Variants in PES1 observed in about 807,000 individuals in gnomAD.
PES1 encodes pescadillo homolog.
PES1 carries 31 observed loss-of-function variants against 77.1 expected under a neutral mutation model. The observed-to-expected ratio is 0.40, with a 90% confidence interval of 0.30 to 0.54. The LOEUF (loss-of-function observed/expected upper bound fraction) is 0.54, where lower values mean the gene tolerates loss of function less well. Ranked by LOEUF, PES1 falls within the 20% of genes least tolerant of loss-of-function variation. PES1 has a pLI of 0.45. For missense variants in PES1, 658 were observed against 771.7 expected (o/e 0.85, Z 1.75); for synonymous variants, 282 against 303.0 (o/e 0.93, Z 0.72).
upstream of PES1, among the ~76,000 whole-genome samples, chr22:30,594,801 C>A (rs922246971): frequency 6.6e-6 from 1 of 152,080 alleles, no homozygotes; most frequent in Non-Finnish European, 1.5e-5. Flanking sequence ...AGACCCTCAT[C>A]TCTACAAAAG....
chr22:30,591,032 C>T (rs764451809), intron 1 of PES1, among the ~76,000 whole-genome samples: 4 of 152,136 alleles, frequency 2.6e-5, no homozygotes, highest in African/African-American at 4.8e-5. Context: ...ATTCCCATTC[C>T]CTTCCCAGTC....
At chr22:30,606,974 G>A in exon 1 of PES1, 1 of 841,450 alleles carries the variant, frequency 1.2e-6, no homozygotes, top group Non-Finnish European at 1.6e-6. Flanking sequence ...AGACTTGACA[G>A]ATCAGGCATC....
In PES1 at chr22:30,584,907, C is replaced by T. The variant is rs193038567; in HGVS notation, c.369-190G>A. On this transcript the variant is annotated intron_variant, in intron 4 of 14. Coordinates refer to ENST00000354694, the MANE Select transcript of PES1 (RefSeq NM_014303.4). ...TAGGAGGAACCACTTAACCAGGATG[C>T]GCCCACTAGGCTCTGAGGACCAGAG... 3.3e-4 allele frequency among the ~76,000 whole-genome samples: 51 copies of T among 152,282 alleles called. No individual in the cohort carries two copies. The East Asian group carries it at 7.5e-3, about 23-fold the overall frequency.
chr22:30,588,328 T>C (rs1195133683), intron 2 of PES1, among the ~76,000 whole-genome samples, 154 bp from the exon 3 acceptor site: 1 of 152,098 alleles, frequency 6.6e-6, no homozygotes, highest in Admixed American at 6.5e-5. Flanking sequence ...ACAGTCACAA[T>C]CATAAAACAA....
chr22:30,581,053 T>C lies in PES1; in HGVS notation c.871A>G (p.Thr291Ala), dbSNP rs1174483453. The C allele has an allele frequency of 6.2e-7, 1 of 1,612,298 alleles. No homozygotes were observed. The highest frequency in any genetic ancestry group is 1.7e-5 in the Admixed American group (1 of 59,892). Residue 291 changes from threonine (T) to alanine (A), a missense_variant, in exon 9 of 15, where the codon ACA (threonine) becomes GCA (alanine). Coordinates refer to ENST00000354694, the MANE Select transcript of PES1 (RefSeq NM_014303.4). Reference sequence around the variant, plus strand: ...TCATCCACCTCGGCCTCCTCCTCTGTGGCAGGCACCACCACGCGGGCCAGG... The same window carrying C: ...TCATCCACCTCGGCCTCCTCCTCTGCGGCAGGCACCACCACGCGGGCCAGG... The part of the protein sequence containing the change: ...ASLARVVVPA[T>A]EEEAEVDEFP...
intron 14 of PES1, among the ~76,000 whole-genome samples, chr22:30,578,557 C>T (rs1045595504): frequency 6.6e-6 from 1 of 152,194 alleles, no homozygotes; most frequent in African/African-American, 2.4e-5. Context: ...TTGAGTCTGC[C>T]GGGAAGGCTC....
intron 1 of PES1, chr22:30,606,753 G>T (rs764616797): frequency 1.2e-5 from 3 of 248,036 alleles, no homozygotes; most frequent in South Asian, 1.8e-4. Context: ...ATCCCCTCCC[G>T]CCACAACTGA....
chr22:30,578,817 A>G lies in PES1; in HGVS notation c.1683+20T>C, dbSNP rs773511452. The G allele has an allele frequency of 1.2e-6, 2 of 1,611,718 alleles. No homozygotes were observed. The highest frequency in any genetic ancestry group is 1.7e-5 in the Admixed American group (1 of 60,004). On this transcript the variant is annotated intron_variant, in intron 14 of 14. Transcript: ENST00000354694. ...GTCTGGTGGCCACACCTGGATCTCA[A>G]GTGGGTGGCAAGAACTCACCTCTCG...
intron 1 of PES1, 42 bp from the exon 2 acceptor site, chr22:30,589,312 A>G (rs746179228): frequency 5.3e-5 from 79 of 1,495,076 alleles, no homozygotes; most frequent in Non-Finnish European, 6.9e-5. Context: ...CAATGATTGT[A>G]GTGACTGACA....
In PES1 at chr22:30,589,380, G is replaced by A. The variant is rs184893570; in HGVS notation, c.25-110C>T. On this transcript the variant is annotated intron_variant, in intron 1 of 14. Coordinates refer to ENST00000354694, the MANE Select transcript of PES1 (RefSeq NM_014303.4). ...ACTATCACTCTGGATAAGTGGCTGAGATGAGTCTAGGAGAGGAAACACTGC... is the reference window on the plus strand; with the variant it reads ...ACTATCACTCTGGATAAGTGGCTGAAATGAGTCTAGGAGAGGAAACACTGC... 56 of 897,848 alleles carry A rather than the reference G, an allele frequency of 6.2e-5. No homozygotes were observed. The African/African-American group carries it at 7.2e-4, about 12-fold the overall frequency. The allele number at this position is 897,848 out of a possible 1,614,324, so 55.6% of individuals were successfully genotyped here. A position where few individuals can be genotyped will look rare whatever the true frequency, so the allele number is the denominator to read the frequency against.
chr22:30,592,964 T>TC (rs1054835049), upstream of PES1, among the ~76,000 whole-genome samples: 12 of 23,120 alleles, frequency 5.2e-4, no homozygotes, highest in Non-Finnish European at 9.3e-4. Context: ...TTTTAAGAGG[T>TC]TTTTTTTTTT....
In PES1 at chr22:30,588,100, G is replaced by A. The variant is rs1366808936; in HGVS notation, c.179C>T (p.Ala60Val). 15 of 1,614,092 alleles carry A rather than the reference G, an allele frequency of 9.3e-6. No individual in the cohort carries two copies. Among genetic ancestry groups the A allele is most frequent in the Non-Finnish European group, 1.3e-5 (15 of 1,180,048 alleles). ...TTTGATAAGGTAAAACGTTCGGGCT[G>A]CTGTAGAACCCTTGTTAACCTTCTT... ...HKKKVNKGST[A>V]ARTFYLIKDI... Residue 60 changes from alanine to valine, a missense_variant, in exon 3 of 15, where the codon GCA becomes GTA. By Grantham distance (64) the Ala-to-Val change is moderately conservative. Transcript: ENST00000354694.
At chr22:30,577,914 C>CT (rs1282416189) in intron 14 of PES1, among the ~76,000 whole-genome samples, 1 of 152,220 alleles carries the variant, frequency 6.6e-6, no homozygotes, top group Non-Finnish European at 1.5e-5. Context: ...ATGACTGAAA[C>CT]TGGAGAACAA....
In PES1 at chr22:30,598,912, T is replaced by TTTTTTTTTTA. The variant is rs761643665; in HGVS notation, c.-660-6515_-660-6514insTAAAAAAAAA. 1.5e-3 allele frequency among the ~76,000 whole-genome samples: 169 copies of TTTTTTTTTTA among 116,404 alleles called. 22 individuals are homozygous for TTTTTTTTTTA. The highest frequency in any genetic ancestry group is 4.8e-3 in the African/African-American group (141 of 29,368). The allele number at this position is 116,404 out of a possible 152,430, so 76.4% of individuals were successfully genotyped here. A position where few individuals can be genotyped will look rare whatever the true frequency, so the allele number is the denominator to read the frequency against. ...TTTTTTTTTTTTTTTTTTTTTTTTT[T>TTTTTTTTTTA]TTGAGATGGAGTCCTGCTCTGTCAT... On this transcript the variant is annotated intron_variant, in intron 2 of 16. Coordinates refer to the PES1 transcript ENST00000402281.
intron 2 of PES1, among the ~76,000 whole-genome samples, chr22:30,604,747 T>C (rs1176735811): frequency 2.0e-5 from 3 of 152,166 alleles, no homozygotes; most frequent in Admixed American, 1.3e-4. Flanking sequence ...GGCAGACTTT[T>C]ACTTTCTCAT....
At chr22:30,598,099 G>A (rs1224601863) in intron 2 of PES1, among the ~76,000 whole-genome samples, 18 of 152,018 alleles carry the variant, frequency 1.2e-4, no homozygotes, top group Admixed American at 1.2e-3. Flanking sequence ...TAGCCGGGAT[G>A]GTCTCGATCG....
intron 2 of PES1, among the ~76,000 whole-genome samples, chr22:30,600,724 G>A (rs566970668): frequency 1.4e-4 from 22 of 152,190 alleles, no homozygotes; most frequent in Non-Finnish European, 2.8e-4. Context: ...GCTGAGGCAG[G>A]AGAATGGCGT....
At chr22:30,602,390 A>T (rs570855271) in intron 2 of PES1, among the ~76,000 whole-genome samples, 1 of 151,368 alleles carries the variant, frequency 6.6e-6, no homozygotes, top group Admixed American at 6.6e-5. Flanking sequence ...ACCTCTTTAT[A>T]AATTACCGAA....
In PES1 at chr22:30,579,904, A is replaced by T. The variant is rs1219846396; in HGVS notation, c.1201T>A (p.Ser401Thr). Reference protein sequence around the residue: ...CYVQPQWVFDSVNARLLLPVA... With the variant: ...CYVQPQWVFDTVNARLLLPVA... ...GGGAGAAGGAGCCTGGCGTTCACTG[A>T]GTCAAACACCCACTGGGGCTGCACG... Residue 401 changes from serine to threonine, a missense_variant, in exon 12 of 15, where the codon TCA (serine) becomes ACA (threonine). By Grantham distance (58) the Ser-to-Thr change is moderately conservative (BLOSUM62 1). Transcript: ENST00000354694. 7 of 1,613,994 alleles carry T rather than the reference A, an allele frequency of 4.3e-6. No individual in the cohort carries two copies. Among genetic ancestry groups the T allele is most frequent in the Non-Finnish European group, 5.9e-6 (7 of 1,180,022 alleles).
Sources: allele counts gnomAD v4.1 joint callset (sites outside exome capture counted in the v4.1 genomes callset), GRCh38; gene constraint gnomAD v4.1.1; transcripts MANE v1.5; gene names NCBI Gene and HGNC (gene_info 2026-07-23, HGNC 2026-07-21).